The following ARHGAP18 variants were observed in gnomAD, a reference collection of about 807,000 sequenced individuals.
ARHGAP18 encodes the protein rho GTPase-activating protein 18.
A neutral mutation model predicts 86.2 loss-of-function variants in ARHGAP18; 67 were observed. That is an observed-to-expected ratio of 0.78 (90% CI 0.64 to 0.95). The LOEUF (loss-of-function observed/expected upper bound fraction) is 0.95, where lower values mean the gene tolerates loss of function less well. ARHGAP18 is among the 40% of genes least tolerant of loss of function. ARHGAP18 has a pLI of 0.00. For missense variants in ARHGAP18, 691 were observed against 780.4 expected (o/e 0.89, Z 1.37); for synonymous variants, 283 against 280.4 (o/e 1.01, Z -0.09).
intron 2 of ARHGAP18, among the ~76,000 whole-genome samples, chr6:129,640,440 T>C (rs1446314166): frequency 6.6e-6 from 1 of 152,192 alleles, no homozygotes; most frequent in Non-Finnish European, 1.5e-5. Context: ...TACTTCCATC[T>C]TGAAACATGG....
chr6:129,582,056 A>G (rs962501410), intron 13 of ARHGAP18, among the ~76,000 whole-genome samples: 1 of 152,070 alleles, frequency 6.6e-6, no homozygotes, highest in Admixed American at 6.6e-5. Flanking sequence ...ATCCCCAAGC[A>G]TAAGGAAAGG....
intron 1 of ARHGAP18, among the ~76,000 whole-genome samples, chr6:129,665,682 CA>C (rs1393075847): frequency 1.3e-5 from 2 of 152,160 alleles, no homozygotes; most frequent in South Asian, 2.1e-4. Context: ...CAACATAGAG[CA>C]GAGCAGAAGA....
intron 1 of ARHGAP18, among the ~76,000 whole-genome samples, chr6:129,647,586 A>G (rs949083946): frequency 6.6e-6 from 1 of 152,174 alleles, no homozygotes; most frequent in African/African-American, 2.4e-5. Context: ...CATGCAGGAC[A>G]AGAAGTGACT....
In ARHGAP18 at chr6:129,671,836, C is replaced by T. The variant is rs552509550; in HGVS notation, c.114-29818G>A. Among the ~76,000 whole-genome samples the T allele has an allele frequency of 6.6e-5, 10 of 152,266 alleles. No homozygotes were observed. In the South Asian group the frequency reaches 1.7e-3, roughly 25 times the overall value. ...ACAATTCTTTGTTTGGCAAGTCTGT[C>T]CTGAAATTGTAGAATGTCTAACACA... On this transcript the variant is annotated intron_variant, in intron 1 of 14. Transcript: ENST00000368149.
intron 1 of ARHGAP18, among the ~76,000 whole-genome samples, chr6:129,696,730 A>T (rs939328353): frequency 3.0e-5 from 2 of 65,934 alleles, no homozygotes; most frequent in African/African-American, 9.4e-5. Context: ...AGATAAATGC[A>T]CATAGGATAC....
At chr6:129,661,817 T>C in intron 1 of ARHGAP18, 1 of 963,912 alleles carries the variant, frequency 1.0e-6, no homozygotes. Flanking sequence ...CCTCAGCCCA[T>C]CCCAGTCTCT....
intron 1 of ARHGAP18, among the ~76,000 whole-genome samples, chr6:129,643,998 T>C (rs72984791): frequency 0.021 from 3,148 of 152,340 alleles, 46 homozygotes; most frequent in South Asian, 0.052. Flanking sequence ...CCTTTAAAGA[T>C]GATTCTTCCT....
intron 12 of ARHGAP18, among the ~76,000 whole-genome samples, chr6:129,586,786 T>C (rs1041316320): frequency 2.0e-5 from 3 of 152,224 alleles, no homozygotes; most frequent in African/African-American, 4.8e-5. Context: ...CTATTTCTTG[T>C]AGAACCTTCT....
At chr6:129,652,836 CTTG>C (rs1335098616) in intron 1 of ARHGAP18, among the ~76,000 whole-genome samples, 3 of 152,238 alleles carry the variant, frequency 2.0e-5, no homozygotes, top group Non-Finnish European at 2.9e-5. Flanking sequence ...TAACAAAATA[CTTG>C]TTGACATAAC....
At position 129,710,138 on chromosome 6, in the gene ARHGAP18, G is replaced by A. The variant is rs1182825122; in HGVS notation, c.-2C>T. On this transcript the variant is annotated 5_prime_UTR_variant, in exon 1 of 15. Coordinates refer to ENST00000368149, the MANE Select transcript of ARHGAP18 (RefSeq NM_033515.3). Reference sequence around the variant, plus strand: ...CTGGGAACTGGAGAGCCAGCTCATGGTGAGAGAAGGGACATACTTTCTGCG... The same window carrying A: ...CTGGGAACTGGAGAGCCAGCTCATGATGAGAGAAGGGACATACTTTCTGCG... 1 of 1,610,078 alleles carries A rather than the reference G, an allele frequency of 6.2e-7. No individual in the cohort carries two copies. Among genetic ancestry groups the A allele is most frequent in the South Asian group, 1.1e-5 (1 of 90,910 alleles).
At chr6:129,670,672 A>G (rs988488569) in intron 1 of ARHGAP18, among the ~76,000 whole-genome samples, 11 of 150,250 alleles carry the variant, frequency 7.3e-5, no homozygotes, top group Non-Finnish European at 1.2e-4. Flanking sequence ...CACCAAAAGT[A>G]TGTGAAGTCG....
rs1395112257 is a variant in ARHGAP18 at position 129,599,300 on chromosome 6, C to T, written c.1629G>A (p.Lys543=). ...VRKQNTENHK[K]DKRAMKKLLK... ...GCAATTTCTTCATGGCTCTTTTATC[C>T]TTTTTATGATTTTCCGTGTTTTGCT... is the stretch of plus-strand genomic sequence containing the variant. Residue 543 remains lysine (K), a synonymous_variant, in exon 12 of 15, where the codon AAG becomes AAA. Coordinates refer to ENST00000368149, the MANE Select transcript of ARHGAP18 (RefSeq NM_033515.3). 9 of 1,591,640 alleles carry T rather than the reference C, an allele frequency of 5.7e-6. No homozygotes were observed. The highest frequency in any genetic ancestry group is 1.8e-5 in the Admixed American group (1 of 55,988).
Position 129,641,881 on chromosome 6 carries a change from T to C in ARHGAP18, c.251A>G (p.Asn84Ser), listed in dbSNP as rs764613446. ...SMEDYWIELE[N>S]IKKSSENSQE... ...GCTGTTTTCACTAGATTTCTTGATG[T>C]TTTCTAGTTCTATCCAATAGTCTTC... The change falls in exon 2 of 15, where the codon AAC (asparagine) becomes AGC (serine). Residue 84 changes from asparagine to serine, a missense_variant. Asn to Ser is a conservative substitution (Grantham distance 46). Transcript: ENST00000368149. 1.1e-5 allele frequency: 18 copies of C among 1,613,974 alleles called. No homozygotes were observed. The highest frequency in any genetic ancestry group is 1.5e-5 in the Non-Finnish European group (18 of 1,179,918).
At chr6:129,693,516 T>G (rs1477113162) in intron 1 of ARHGAP18, among the ~76,000 whole-genome samples, 3 of 152,214 alleles carry the variant, frequency 2.0e-5, no homozygotes, top group African/African-American at 7.2e-5. Flanking sequence ...TACCTCCCCC[T>G]TGGTTCCTGT....
At chr6:129,661,837 C>T (rs1773958846) in intron 1 of ARHGAP18, 1 of 984,418 alleles carries the variant, frequency 1.0e-6, no homozygotes, top group South Asian at 4.7e-5. Context: ...TTCATCCCAC[C>T]AGCTCACCCA....
At chr6:129,679,052 CTTACA>C (rs1166369072) in intron 1 of ARHGAP18, among the ~76,000 whole-genome samples, 5 of 152,170 alleles carry the variant, frequency 3.3e-5, no homozygotes, top group Non-Finnish European at 5.9e-5. Flanking sequence ...CAGTGCCTTA[CTTACA>C]TTATTCTGAA....
chr6:129,707,322 GAACT>G lies in ARHGAP18; in HGVS notation c.113+2698_113+2701del, dbSNP rs908132963. Among the ~76,000 whole-genome samples, 287 of 152,060 alleles carry G rather than the reference GAACT, an allele frequency of 1.9e-3. 1 individual carries two copies. The highest frequency in any genetic ancestry group is 6.7e-3 in the African/African-American group (277 of 41,486). On this transcript the variant is annotated intron_variant, in intron 1 of 14. Transcript: ENST00000368149. ...TTATAAAGACATGAATTCATCTCAT[GAACT>G]AAATATTGGATTAAATATTTCAAAG...
intron 1 of ARHGAP18, among the ~76,000 whole-genome samples, chr6:129,647,883 G>A (rs1198622261): frequency 6.6e-6 from 1 of 152,170 alleles, no homozygotes; most frequent in East Asian, 1.9e-4. Flanking sequence ...ACCCAGCAAA[G>A]GGGTGATAGA....
At position 129,641,915 on chromosome 6, in the gene ARHGAP18, G is replaced by T. The variant is rs1562706905; in HGVS notation, c.217C>A (p.Leu73Ile). 1 of 1,613,810 alleles carries T rather than the reference G, an allele frequency of 6.2e-7. No homozygotes were observed. Among genetic ancestry groups the T allele is most frequent in the Admixed American group, 1.7e-5 (1 of 60,014 alleles). ...RSISQDSLDE[L>I]SMEDYWIELE... ...TCTATCCAATAGTCTTCCATAGATAGTTCATCCAAAGAATCCTGGGAAATT... is the reference window on the plus strand; with the variant it reads ...TCTATCCAATAGTCTTCCATAGATATTTCATCCAAAGAATCCTGGGAAATT... The change falls in exon 2 of 15, where the codon CTA becomes ATA. Residue 73 changes from leucine to isoleucine, a missense_variant. Leu to Ile is a conservative substitution (Grantham distance 5, BLOSUM62 2). Transcript: ENST00000368149.
Sources: gnomAD v4.1 joint callset for allele counts (sites outside exome capture counted in the v4.1 genomes callset) on GRCh38, gnomAD v4.1.1 for gene constraint, MANE v1.5 for transcripts, NCBI Gene and HGNC (gene_info 2026-07-23, HGNC 2026-07-21) for gene names.